The following CHFR variants were observed in gnomAD, a reference collection of about 807,000 sequenced individuals.
CHFR encodes the protein E3 ubiquitin-protein ligase CHFR.
A neutral mutation model predicts 87.6 loss-of-function variants in CHFR; 57 were observed. The observed-to-expected ratio is 0.65, with a 90% CI of 0.53 to 0.81. The LOEUF is 0.81. Ranked by LOEUF, CHFR falls within the 30% of genes least tolerant of loss-of-function variation. The pLI, the probability that CHFR is intolerant of heterozygous loss-of-function variation, is 0.00. For missense variants in CHFR, 797 were observed against 865.8 expected, an observed-to-expected ratio of 0.92 and a Z score of 1.00; for synonymous variants, 381 against 359.2, an observed-to-expected ratio of 1.06 and a Z score of -0.69.
At chr12:132,882,011 C>T (rs975812657) in intron 2 of CHFR, among the ~76,000 whole-genome samples, 29 of 152,080 alleles carry the variant, frequency 1.9e-4, no homozygotes, top group Non-Finnish European at 3.4e-4. Flanking sequence ...GCAAGTTAAA[C>T]AGACACTGGC....
chr12:132,862,720 C>T (rs1194798422), intron 6 of CHFR, among the ~76,000 whole-genome samples: 2 of 151,778 alleles, frequency 1.3e-5, no homozygotes, highest in Non-Finnish European at 2.9e-5. Flanking sequence ...GCTGGGACTA[C>T]AGGCACCCGC....
At position 132,887,332 on chromosome 12, in the gene CHFR, G is replaced by A. The variant is rs756050840; in HGVS notation, c.-4C>T. 2.7e-6 allele frequency: 4 copies of A among 1,458,374 alleles called. No homozygotes were observed. Among genetic ancestry groups the A allele is most frequent in the Admixed American group, 2.5e-5 (1 of 39,320 alleles). The allele number at this position is 1,458,374 out of a possible 1,614,324, so 90.3% of individuals were successfully genotyped here. A position where few individuals can be genotyped will look rare whatever the true frequency, so the allele number is the denominator to read the frequency against. On this transcript the variant is annotated 5_prime_UTR_variant, in exon 2 of 18. Transcript: ENST00000450056. Reference sequence around the variant, plus strand: ...TGCCTTCCTCGGGCCGCTCCATCGGGATTCACATCTGCGGAGACCCCGGAA... The same window carrying A: ...TGCCTTCCTCGGGCCGCTCCATCGGAATTCACATCTGCGGAGACCCCGGAA...
chr12:132,871,992 C>A (rs1207191442), intron 4 of CHFR: 5 of 353,190 alleles, frequency 1.4e-5, no homozygotes, highest in Non-Finnish European at 2.6e-5. Flanking sequence ...AACTCAAGTT[C>A]TTCTCCTGTA....
chr12:132,847,388 A>G (rs1697647032), intron 14 of CHFR: 2 of 1,234,394 alleles, frequency 1.6e-6, no homozygotes, highest in South Asian at 3.3e-5. Context: ...CAAGACCTAC[A>G]CAGCCCAGGT....
chr12:132,859,254 C>G, intron 7 of CHFR, 27 bp from the exon 8 acceptor site: 1 of 1,594,844 alleles, frequency 6.3e-7, no homozygotes, highest in Non-Finnish European at 8.6e-7. Context: ...TGTGTTCTGT[C>G]GTAACCAAGA....
chr12:132,872,257 G>A lies in CHFR; in HGVS notation c.343+28C>T, dbSNP rs374186901. The A allele has an allele frequency of 3.3e-6, 5 of 1,501,840 alleles. No individual in the cohort carries two copies. In the African/African-American group the frequency reaches 6.9e-5, roughly 21 times the overall value. The allele number at this position is 1,501,840 out of a possible 1,614,324, so 93.0% of individuals were successfully genotyped here. A position where few individuals can be genotyped will look rare whatever the true frequency, so the allele number is the denominator to read the frequency against. On this transcript the variant is annotated intron_variant, in intron 4 of 17. Transcript: ENST00000450056. ...CTCACGTGCACCCCCGTGCGGGTCT[G>A]ACCCCGGCAAGCCTTCCTCTCTCTT... is the stretch of plus-strand genomic sequence containing the variant.
At chr12:132,852,284 G>A (rs553674588) in intron 11 of CHFR, among the ~76,000 whole-genome samples, 10 of 152,042 alleles carry the variant, frequency 6.6e-5, no homozygotes, top group East Asian at 1.9e-4. Flanking sequence ...CACCGTGCCC[G>A]GCCGATCTGT....
At chr12:132,861,329 T>C in intron 7 of CHFR, 138 bp downstream of exon 7, 3 of 763,392 alleles carry the variant, frequency 3.9e-6, no homozygotes, top group Non-Finnish European at 6.5e-6. Flanking sequence ...ATGCCGGAGG[T>C]GTTACAGGCA....
intron 6 of CHFR, chr12:132,866,739 C>T (rs965100499): frequency 6.6e-6 from 1 of 152,234 alleles, no homozygotes; most frequent in African/African-American, 2.4e-5. Flanking sequence ...AGGAATGTTA[C>T]AACACACTGG....
In CHFR at chr12:132,836,718, G is replaced by T. The variant is rs1950649595; in HGVS notation, c.*4836C>A. Reference sequence around the variant, plus strand: ...CCATCTAGACTCACCGCCTCAGAAGGAGACAACCGTGAAAAGTGAGCGACA... The same window carrying T: ...CCATCTAGACTCACCGCCTCAGAAGTAGACAACCGTGAAAAGTGAGCGACA... On this transcript the variant is annotated 3_prime_UTR_variant, in exon 18 of 18. Coordinates refer to ENST00000450056, the MANE Select transcript of CHFR (RefSeq NM_001161346.2). 1 of 455,960 alleles carries T rather than the reference G, an allele frequency of 2.2e-6. No homozygotes were observed. Among genetic ancestry groups the T allele is most frequent in the African/African-American group, 2.0e-5 (1 of 50,062 alleles). The allele number at this position is 455,960 out of a possible 1,614,324, so 28.2% of individuals were successfully genotyped here.
chr12:132,877,594 A>C lies in CHFR; in HGVS notation c.194T>G (p.Val65Gly). The C allele has an allele frequency of 6.2e-7, 1 of 1,613,458 alleles. No homozygotes were observed. Residue 65 changes from valine to glycine, a missense_variant, in exon 3 of 18, where the codon GTG becomes GGG. Val to Gly is a moderately radical substitution (Grantham distance 109). This residue lies in a region of CHFR where 597 missense variants were observed against 601.2 expected (regional missense o/e 0.99). Transcript: ENST00000450056. Reference protein sequence around the residue: ...LVSGDHCRIVVDEKSGQVTLE... With the variant: ...LVSGDHCRIVGDEKSGQVTLE... The stretch of plus-strand genomic sequence containing the variant: ...TGTCACCTGACCTGATTTTTCATCC[A>C]CTACAATTCTACAGTGATCTCCAGA...
At chr12:132,887,370 A>C (rs1951923964) in intron 1 of CHFR, 30 bp from the exon 2 acceptor site, 4 of 1,281,726 alleles carry the variant, frequency 3.1e-6, no homozygotes, top group South Asian at 4.6e-5. Context: ...GCCCATGGAG[A>C]CTCCCGACCC....
chr12:132,866,510 C>G (rs935150584), intron 6 of CHFR: 1 of 151,974 alleles, frequency 6.6e-6, no homozygotes, highest in Non-Finnish European at 1.5e-5. Context: ...CCAAATGTTA[C>G]AACACACTGG....
At chr12:132,842,811 G>A (rs762960295) in intron 17 of CHFR, among the ~76,000 whole-genome samples, 200 bp downstream of exon 17, 11 of 152,220 alleles carry the variant, frequency 7.2e-5, no homozygotes, top group Non-Finnish European at 1.6e-4. Context: ...CTCCAGCCAG[G>A]AAGACACAGA....
At chr12:132,856,709 G>A (rs758404229) in intron 9 of CHFR, 79 bp from the exon 10 acceptor site, 54 of 1,482,926 alleles carry the variant, frequency 3.6e-5, no homozygotes, top group Non-Finnish European at 4.7e-5. Context: ...CTGGGAGCTC[G>A]CGTGCGCAGT....
At chr12:132,869,842 C>T in intron 5 of CHFR, 44 bp from the exon 6 acceptor site, 1 of 1,547,738 alleles carries the variant, frequency 6.5e-7, no homozygotes, top group South Asian at 1.2e-5. Flanking sequence ...CTTCTGTAAC[C>T]CAAAAGGAGC....
rs767634272 is a variant in CHFR at position 132,857,520 on chromosome 12, G to A, written c.951C>T (p.Tyr317=). The stretch of plus-strand genomic sequence containing the variant: ...GGGACGAGCGCTCCATCCAGCCCGA[G>A]TAGCAAGCCGCGCAGAACGTGTGCA... ...PCMHTFCAAC[Y]SGWMERSSLC... Residue 317 remains tyrosine (Y), a synonymous_variant, in exon 9 of 18, where the codon TAC becomes TAT. Transcript: ENST00000450056. The A allele has an allele frequency of 6.2e-7, 1 of 1,614,186 alleles. No individual in the cohort carries two copies. The highest frequency in any genetic ancestry group is 1.1e-5 in the South Asian group (1 of 91,090).
At chr12:132,881,257 CA>C (rs34009587) in intron 2 of CHFR, among the ~76,000 whole-genome samples, 173 of 119,480 alleles carry the variant, frequency 1.4e-3, no homozygotes, top group Middle Eastern at 4.7e-3. Flanking sequence ...GACTCCATCT[CA>C]AAAAAAAAAA....
intron 3 of CHFR, among the ~76,000 whole-genome samples, chr12:132,873,520 T>C (rs992717311): frequency 6.6e-6 from 1 of 152,164 alleles, no homozygotes; most frequent in African/African-American, 2.4e-5. Context: ...GGACTGACTT[T>C]CTGTGTCCTC....
Sources: allele counts gnomAD v4.1 joint callset (sites outside exome capture counted in the v4.1 genomes callset), GRCh38; gene constraint gnomAD v4.1.1; regional missense constraint gnomAD v4.1.1; transcripts MANE v1.5; gene names NCBI Gene and HGNC (gene_info 2026-07-23, HGNC 2026-07-21).